Variants in RTF2 observed in about 807,000 individuals in gnomAD.
The protein encoded by RTF2 is UPF0549 protein C20orf43.
RTF2 carries 18 observed loss-of-function variants against 38.0 expected under a neutral mutation model. The observed-to-expected ratio is 0.47, with a 90% confidence interval of 0.33 to 0.70. The LOEUF is 0.70. RTF2 is among the 30% of genes least tolerant of loss of function. The pLI, the probability that RTF2 is intolerant of heterozygous loss-of-function variation, is 0.02. For missense variants in RTF2, 311 were observed against 379.6 expected (o/e 0.82, Z 1.50); for synonymous variants, 126 against 137.1 (o/e 0.92, Z 0.57).
At chr20:56,493,172 C>T (rs1983282651) in intron 5 of RTF2, among the ~76,000 whole-genome samples, 1 of 151,928 alleles carries the variant, frequency 6.6e-6, no homozygotes, top group African/African-American at 2.4e-5. Flanking sequence ...AAGACTCCAT[C>T]TCCAAAAAAA....
intron 5 of RTF2, chr20:56,491,627 G>A (rs1983137414): frequency 6.4e-7 from 1 of 1,551,714 alleles, no homozygotes; most frequent in Non-Finnish European, 8.7e-7. Context: ...AGGAACTTCT[G>A]CCTGCCTCAG....
At chr20:56,511,936 G>A (rs551161853) in intron 5 of RTF2, among the ~76,000 whole-genome samples, 2 of 152,090 alleles carry the variant, frequency 1.3e-5, no homozygotes, top group African/African-American at 2.4e-5. Context: ...GGGTTCAAGC[G>A]ATTCTCTCAC....
chr20:56,471,561 C>G (rs1981968027), intron 1 of RTF2: 1 of 140,354 alleles, frequency 7.1e-6, no homozygotes, highest in Non-Finnish European at 1.5e-5. Flanking sequence ...GAGCAAGACT[C>G]CGTCTCAAAA....
At chr20:56,493,232 A>C (rs1181477971) in intron 5 of RTF2, among the ~76,000 whole-genome samples, 1 of 152,220 alleles carries the variant, frequency 6.6e-6, no homozygotes, top group East Asian at 1.9e-4. Context: ...GGATGTATGC[A>C]CAAAATGTCC....
At chr20:56,491,922 T>C in intron 5 of RTF2, 1 of 637,950 alleles carries the variant, frequency 1.6e-6, no homozygotes, top group Non-Finnish European at 2.8e-6. Context: ...AGCATTTCCA[T>C]GATTGCCTTG....
At chr20:56,509,190 A>C (rs148696591) in intron 5 of RTF2, among the ~76,000 whole-genome samples, 367 of 152,352 alleles carry the variant, frequency 2.4e-3, no homozygotes, top group South Asian at 3.3e-3. Context: ...ATTTAAGCAG[A>C]CATTTCTCCA....
intron 5 of RTF2, chr20:56,495,250 C>T (rs1473471939): frequency 6.4e-7 from 1 of 1,551,594 alleles, no homozygotes; most frequent in Non-Finnish European, 8.7e-7. Context: ...CGCTTAATGG[C>T]TCGAACATTT....
At chr20:56,515,036 A>G (rs987763089) in intron 6 of RTF2, among the ~76,000 whole-genome samples, 3 of 137,770 alleles carry the variant, frequency 2.2e-5, no homozygotes, top group Non-Finnish European at 4.8e-5. Context: ...GACTCCCTCT[A>G]AAAAAAAAAA....
intron 5 of RTF2, among the ~76,000 whole-genome samples, chr20:56,494,666 A>G (rs1286515346): frequency 2.6e-5 from 4 of 152,222 alleles, no homozygotes; most frequent in African/African-American, 9.7e-5. Flanking sequence ...CCTCTGCTTC[A>G]GGAGGGTGGC....
intron 2 of RTF2, among the ~76,000 whole-genome samples, chr20:56,474,110 G>A (rs1197798050): frequency 2.0e-5 from 3 of 152,102 alleles, no homozygotes; most frequent in Non-Finnish European, 2.9e-5. Flanking sequence ...GTACTTATAC[G>A]TTAAATTTCC....
chr20:56,482,879 AC>A (rs1474533052), intron 4 of RTF2, among the ~76,000 whole-genome samples: 1 of 152,188 alleles, frequency 6.6e-6, no homozygotes, highest in Non-Finnish European at 1.5e-5. Flanking sequence ...CCTCCCCCAC[AC>A]CACACACCCA....
intron 5 of RTF2, among the ~76,000 whole-genome samples, chr20:56,494,640 G>T (rs977620432): frequency 6.6e-6 from 1 of 152,188 alleles, no homozygotes; most frequent in Non-Finnish European, 1.5e-5. Flanking sequence ...AATTGTTCCA[G>T]CTCTCTAACC....
chr20:56,491,234 G>A (rs978456281), intron 5 of RTF2, among the ~76,000 whole-genome samples: 1 of 152,242 alleles, frequency 6.6e-6, no homozygotes, highest in African/African-American at 2.4e-5. Context: ...AAAACAGGCT[G>A]TGTCGTTCTT....
At chr20:56,475,918 G>A (rs184900306) in intron 3 of RTF2, among the ~76,000 whole-genome samples, 5 of 152,306 alleles carry the variant, frequency 3.3e-5, no homozygotes, top group Admixed American at 6.5e-5. Context: ...TGTCATTACC[G>A]TCAATTGATA....
intron 4 of RTF2, among the ~76,000 whole-genome samples, chr20:56,478,223 TC>T (rs1982355281): frequency 6.6e-6 from 1 of 152,144 alleles, no homozygotes; most frequent in African/African-American, 2.4e-5. Context: ...TCACAGTGGC[TC>T]CCACCTATAA....
intron 5 of RTF2, among the ~76,000 whole-genome samples, chr20:56,499,393 G>C (rs900001663): frequency 6.6e-6 from 1 of 151,930 alleles, no homozygotes; most frequent in Non-Finnish European, 1.5e-5. Context: ...ATAATGGCCA[G>C]GCTGGTCTCA....
intron 5 of RTF2, chr20:56,491,846 G>A: frequency 7.9e-7 from 1 of 1,264,656 alleles, no homozygotes; most frequent in Non-Finnish European, 1.1e-6. Flanking sequence ...TTCACACACA[G>A]AAAGTGGCGC....
At chr20:56,502,680 C>A (rs1983999503) in intron 5 of RTF2, among the ~76,000 whole-genome samples, 2 of 152,272 alleles carry the variant, frequency 1.3e-5, no homozygotes, top group Admixed American at 1.3e-4. Flanking sequence ...TATATTCTAG[C>A]ATATTACCAT....
At chr20:56,484,631 CA>C (rs1170171715) in intron 5 of RTF2, among the ~76,000 whole-genome samples, 2 of 152,230 alleles carry the variant, frequency 1.3e-5, no homozygotes, top group Non-Finnish European at 2.9e-5. Flanking sequence ...GGGTAGGAAA[CA>C]AGGCTTGTTC....
Sources: gnomAD v4.1 joint callset for allele counts (sites outside exome capture counted in the v4.1 genomes callset) on GRCh38, gnomAD v4.1.1 for gene constraint, MANE v1.5 for transcripts, NCBI Gene and HGNC (gene_info 2026-07-23, HGNC 2026-07-21) for gene names.